The following DLG2 variants were observed in gnomAD, a reference collection of about 807,000 sequenced individuals.
DLG2 encodes the protein discs large MAGUK scaffold protein 2, also known as disks large homolog 2.
A neutral mutation model predicts 132.5 loss-of-function variants in DLG2; 45 were observed. The ratio of observed to expected loss-of-function variants is 0.34; its 90% confidence interval spans 0.27 to 0.44. The LOEUF (loss-of-function observed/expected upper bound fraction) is 0.44. Ranked by LOEUF, DLG2 falls within the 20% of genes least tolerant of loss-of-function variation. The pLI is 1.00. For synonymous variants in DLG2, 424 were observed against 419.6 expected (o/e 1.01, Z -0.13); for missense variants, 1,045 against 1,196.9 (o/e 0.87, Z 1.87).
At chr11:85,060,522 C>T (rs79994415) in intron 6 of DLG2, among the ~76,000 whole-genome samples, 6,375 of 149,268 alleles carry the variant, frequency 0.043, 211 homozygotes, top group African/African-American at 0.083. Flanking sequence ...TGTGTGTATA[C>T]ATGTATTTAT....
chr11:83,805,408 A>G (rs925331668), intron 17 of DLG2, among the ~76,000 whole-genome samples: 1 of 151,660 alleles, frequency 6.6e-6, no homozygotes. Flanking sequence ...TTGATATATC[A>G]TGACATAATT....
At position 83,844,391 on chromosome 11, in the gene DLG2, A is replaced by G. The variant is rs1487143846; in HGVS notation, c.1566-10621T>C. 2.6e-5 allele frequency among the ~76,000 whole-genome samples: 4 copies of G among 151,674 alleles called. No individual in the cohort carries two copies. The East Asian group carries it at 7.8e-4, about 29-fold the overall frequency. ...GAAACTCCATCTCTATTGAAAAAAA[A>G]AAAAAAATTAGCTGGGCATGGTGGT... On this transcript the variant is annotated intron_variant, in intron 16 of 27. Transcript: ENST00000376104.
intron 6 of DLG2, among the ~76,000 whole-genome samples, chr11:85,015,274 C>G (rs558950564): frequency 1.5e-4 from 23 of 152,242 alleles, no homozygotes; most frequent in Admixed American, 2.6e-4. Flanking sequence ...TAAGTTTATA[C>G]TTCTAAACAC....
At chr11:83,994,953 CT>C (rs2093944507) in intron 11 of DLG2, among the ~76,000 whole-genome samples, 2 of 151,522 alleles carry the variant, frequency 1.3e-5, no homozygotes, top group African/African-American at 4.9e-5. Context: ...TGAATTCTCC[CT>C]ATGTGCATGT....
intron 6 of DLG2, among the ~76,000 whole-genome samples, chr11:84,933,916 G>A (rs1459252771): frequency 6.6e-6 from 1 of 152,194 alleles, no homozygotes; most frequent in Non-Finnish European, 1.5e-5. Flanking sequence ...AGAGTGATGA[G>A]AAAGGGCATC....
chr11:84,280,867 ATTTTTTTTTT>A (rs35970331), intron 7 of DLG2, among the ~76,000 whole-genome samples: 49 of 67,700 alleles, frequency 7.2e-4, no homozygotes, highest in African/African-American at 2.2e-3. Context: ...TGCCCAGCCA[ATTTTTTTTTT>A]TTTTTTTTTT....
At chr11:84,041,602 A>G (rs942701353) in intron 11 of DLG2, among the ~76,000 whole-genome samples, 1 of 151,928 alleles carries the variant, frequency 6.6e-6, no homozygotes, top group Non-Finnish European at 1.5e-5. Context: ...TCTCCACTCT[A>G]TGTCTTCCTG....
intron 5 of DLG2, among the ~76,000 whole-genome samples, chr11:85,115,907 G>C (rs902263778): frequency 2.6e-5 from 4 of 151,900 alleles, no homozygotes; most frequent in African/African-American, 9.7e-5. Flanking sequence ...AGACTAAATG[G>C]ACAGCAGGGT....
At chr11:83,524,387 G>C (rs1007167493) in intron 21 of DLG2, among the ~76,000 whole-genome samples, 1 of 151,880 alleles carries the variant, frequency 6.6e-6, no homozygotes, top group African/African-American at 2.4e-5. Context: ...TTTTTAATAA[G>C]CACCTCAGCT....
intron 6 of DLG2, among the ~76,000 whole-genome samples, chr11:84,821,010 C>A (rs1375305111): frequency 6.6e-6 from 1 of 151,510 alleles, no homozygotes; most frequent in East Asian, 1.9e-4. Context: ...ACTGTAAATG[C>A]AGTAGATTAT....
At chr11:84,156,194 G>A (rs553777890) in intron 9 of DLG2, among the ~76,000 whole-genome samples, 7 of 152,212 alleles carry the variant, frequency 4.6e-5, no homozygotes, top group African/African-American at 9.6e-5. Context: ...AATCTGAGCC[G>A]CTCAGCCATA....
At chr11:85,271,248 G>A (rs1393938984) in intron 4 of DLG2, among the ~76,000 whole-genome samples, 1 of 152,210 alleles carries the variant, frequency 6.6e-6, no homozygotes, top group Admixed American at 6.5e-5. Flanking sequence ...CTGCTTTCAT[G>A]TGGCATTGAG....
chr11:84,561,893 G>A (rs1029803747), intron 6 of DLG2, among the ~76,000 whole-genome samples: 1 of 151,870 alleles, frequency 6.6e-6, no homozygotes, highest in Admixed American at 6.6e-5. Flanking sequence ...TATGTCAAAC[G>A]AAATTGCAAC....
intron 6 of DLG2, among the ~76,000 whole-genome samples, chr11:85,097,281 G>T (rs1430606668): frequency 2.0e-5 from 3 of 152,054 alleles, no homozygotes; most frequent in Non-Finnish European, 4.4e-5. Flanking sequence ...CAATCAGAAA[G>T]ACATAATTTT....
At chr11:84,498,101 C>G (rs2099190424) in intron 7 of DLG2, among the ~76,000 whole-genome samples, 1 of 152,174 alleles carries the variant, frequency 6.6e-6, no homozygotes, top group Non-Finnish European at 1.5e-5. Flanking sequence ...CACCGCCTAT[C>G]TATCCATGTA....
chr11:84,467,984 C>G (rs1355582753), intron 7 of DLG2, among the ~76,000 whole-genome samples: 3 of 151,394 alleles, frequency 2.0e-5, no homozygotes, highest in Admixed American at 6.6e-5. Context: ...ATTATTCTTT[C>G]AACATTCCAT....
chr11:84,499,672 G>T (rs1457339427), intron 7 of DLG2, among the ~76,000 whole-genome samples: 1 of 152,064 alleles, frequency 6.6e-6, no homozygotes, highest in Non-Finnish European at 1.5e-5. Context: ...CAGGTTAGCA[G>T]ATCAAAGCAG....
chr11:85,253,259 C>A (rs2076489353), intron 4 of DLG2, among the ~76,000 whole-genome samples: 1 of 152,080 alleles, frequency 6.6e-6, no homozygotes, highest in African/African-American at 2.4e-5. Flanking sequence ...AGGTATTTAT[C>A]CTAAGGAAAA....
intron 3 of DLG2, among the ~76,000 whole-genome samples, chr11:85,467,940 T>C (rs1463136426): frequency 2.0e-5 from 3 of 152,204 alleles, no homozygotes; most frequent in Non-Finnish European, 2.9e-5. Context: ...CATCTGGTCC[T>C]GGACTTTTTT....
Sources: gnomAD v4.1 joint callset for allele counts (sites outside exome capture counted in the v4.1 genomes callset) on GRCh38, gnomAD v4.1.1 for gene constraint, MANE v1.5 for transcripts, NCBI Gene and HGNC (gene_info 2026-07-23, HGNC 2026-07-21) for gene names.